Variants in GLRA2 observed in about 807,000 individuals in gnomAD.
GLRA2 encodes the protein glycine receptor subunit alpha-2.
Under a neutral mutation model 31.6 loss-of-function variants are expected in GLRA2, and 11 were observed. That is an observed-to-expected ratio of 0.35 (90% confidence interval 0.22 to 0.58). GLRA2 has a LOEUF of 0.58. Ranked by LOEUF, GLRA2 falls within the 20% of genes least tolerant of loss-of-function variation. GLRA2 has a pLI of 0.84. For missense variants in GLRA2, 212 were observed against 351.8 expected, an observed-to-expected ratio of 0.60 and a Z score of 3.18; for synonymous variants, 132 against 134.0, an observed-to-expected ratio of 0.99 and a Z score of 0.10.
intron 8 of GLRA2, among the ~76,000 whole-genome samples, chrX:14,711,392 C>T (rs948693342): frequency 2.7e-5 from 3 of 112,267 alleles, no homozygotes; most frequent in Non-Finnish European, 5.6e-5. Context: ...GGTTCTGATA[C>T]GCTAATTAGA....
At chrX:14,728,126 A>G (rs1367605244) in intron 8 of GLRA2, among the ~76,000 whole-genome samples, 1 of 111,807 alleles carries the variant, frequency 8.9e-6, no homozygotes, top group African/African-American at 3.2e-5. Flanking sequence ...TTGTGATATA[A>G]TGGTCTGATT....
chrX:14,731,631 C>T lies in GLRA2; in HGVS notation c.*1146C>T, dbSNP rs1356770876. 1 of 111,040 alleles carries T rather than the reference C, an allele frequency of 9.0e-6. No homozygotes were observed. The highest frequency in any genetic ancestry group is 1.9e-5 in the Non-Finnish European group (1 of 52,913). The allele number at this position is 111,040 out of a possible 1,213,427, so 9.2% of individuals were successfully genotyped here. ...TTCATAACCCGTTGCCTTTTTGGTA[C>T]CAGAGCTACGTGGTTTGAATTCTGG... On this transcript the variant is annotated 3_prime_UTR_variant, in exon 9 of 9. Coordinates refer to ENST00000218075, the MANE Select transcript of GLRA2 (RefSeq NM_002063.4).
At chrX:14,626,240 T>C (rs984575685) in intron 7 of GLRA2, among the ~76,000 whole-genome samples, 1 of 112,119 alleles carries the variant, frequency 8.9e-6, no homozygotes, top group Non-Finnish European at 1.9e-5. Context: ...AAATCAGTAG[T>C]CAATTCAAAT....
At chrX:14,681,992 T>C (rs1377555754) in intron 7 of GLRA2, among the ~76,000 whole-genome samples, 4 of 78,916 alleles carry the variant, frequency 5.1e-5, no homozygotes, top group Non-Finnish European at 9.7e-5. Flanking sequence ...TATTTATATA[T>C]GTATGTGTGT....
intron 2 of GLRA2, among the ~76,000 whole-genome samples, chrX:14,540,636 G>A (rs1412766640): frequency 1.8e-5 from 2 of 111,080 alleles, no homozygotes; most frequent in African/African-American, 6.5e-5. Context: ...TCAGGTGGTT[G>A]AGCAGACATC....
At chrX:14,466,671 G>A in the GLRA2 span, among the ~76,000 whole-genome samples, 1 of 111,429 alleles carries the variant, frequency 9.0e-6, no homozygotes, top group Non-Finnish European at 1.9e-5. Flanking sequence ...CTAAATGCAT[G>A]GAAAAAGAAA....
At chrX:14,642,336 C>T (rs182762505) in intron 7 of GLRA2, among the ~76,000 whole-genome samples, 5 of 112,017 alleles carry the variant, frequency 4.5e-5, no homozygotes, top group African/African-American at 1.3e-4. Context: ...TTCATCTCTA[C>T]CTCTTTGCAT....
intron 2 of GLRA2, among the ~76,000 whole-genome samples, chrX:14,569,277 CA>C (rs1215373123): frequency 5.4e-5 from 6 of 110,684 alleles, no homozygotes; most frequent in Admixed American, 1.9e-4. Flanking sequence ...AACAAACAAA[CA>C]AAAAAAGCCA....
intron 4 of GLRA2, among the ~76,000 whole-genome samples, chrX:14,588,044 T>A (rs2090101108): frequency 9.1e-6 from 1 of 110,471 alleles, no homozygotes; most frequent in Admixed American, 9.7e-5. Context: ...GTAGCTTGGA[T>A]TATATGTGCA....
chrX:14,575,023 C>T (rs5935775), intron 3 of GLRA2, among the ~76,000 whole-genome samples: 3,183 of 109,158 alleles, frequency 0.029, 57 homozygotes, highest in Non-Finnish European at 0.044. Context: ...CACACACACA[C>T]ACAATTTTGT....
chrX:14,607,843 G>T (rs918237828), intron 6 of GLRA2, among the ~76,000 whole-genome samples: 1 of 111,320 alleles, frequency 9.0e-6, no homozygotes, highest in African/African-American at 3.3e-5. Flanking sequence ...AGACACATGG[G>T]GTTGGGGGGC....
intron 7 of GLRA2, among the ~76,000 whole-genome samples, chrX:14,674,380 TTTTAC>T (rs1210380784): frequency 8.9e-6 from 1 of 112,392 alleles, no homozygotes; most frequent in Admixed American, 9.4e-5. Flanking sequence ...ATACAAGATA[TTTTAC>T]TTTACATTAT....
intron 8 of GLRA2, among the ~76,000 whole-genome samples, chrX:14,718,626 G>A (rs1055120500): frequency 8.9e-6 from 1 of 111,874 alleles, no homozygotes; most frequent in African/African-American, 3.3e-5. Flanking sequence ...TCAGTCATCT[G>A]TAGACTTGTT....
the GLRA2 span, among the ~76,000 whole-genome samples, chrX:14,451,356 T>G: frequency 9.0e-6 from 1 of 110,536 alleles, no homozygotes; most frequent in East Asian, 2.9e-4. Context: ...GTGGGCTGGG[T>G]GTGGTAGCTC....
intron 2 of GLRA2, among the ~76,000 whole-genome samples, 191 bp from the exon 3 acceptor site, chrX:14,574,142 C>T (rs1253645262): frequency 2.7e-5 from 3 of 112,262 alleles, no homozygotes; most frequent in Non-Finnish European, 5.6e-5. Context: ...GGGTAAGTTG[C>T]CATTGCTTAA....
At chrX:14,671,594 G>A (rs1408503388) in intron 7 of GLRA2, among the ~76,000 whole-genome samples, 1 of 111,629 alleles carries the variant, frequency 9.0e-6, no homozygotes, top group Non-Finnish European at 1.9e-5. Flanking sequence ...CCATGGTTGA[G>A]GACTGCCCCT....
At chrX:14,541,782 C>T (rs1194437194) in intron 2 of GLRA2, among the ~76,000 whole-genome samples, 2 of 111,128 alleles carry the variant, frequency 1.8e-5, no homozygotes, top group Non-Finnish European at 3.8e-5. Flanking sequence ...ATATAATGTA[C>T]GGTGCTGACA....
At chrX:14,451,487 A>G in the GLRA2 span, among the ~76,000 whole-genome samples, 1 of 108,770 alleles carries the variant, frequency 9.2e-6, no homozygotes, top group African/African-American at 3.4e-5. Flanking sequence ...AAAATTAGCC[A>G]AGCAAGGCAG....
chrX:14,484,516 T>C, the GLRA2 span, among the ~76,000 whole-genome samples: 18 of 112,102 alleles, frequency 1.6e-4, no homozygotes, highest in Admixed American at 1.7e-3. Context: ...CATGAATGCA[T>C]AGGGATATGA....
Sources: allele counts gnomAD v4.1 joint callset (sites outside exome capture counted in the v4.1 genomes callset), GRCh38; gene constraint gnomAD v4.1.1; transcripts MANE v1.5; gene names NCBI Gene and HGNC (gene_info 2026-07-23, HGNC 2026-07-21).